Variants in MAN2A1 observed in about 807,000 individuals in gnomAD.
The protein encoded by MAN2A1 is alpha-mannosidase 2.
MAN2A1 carries 76 observed loss-of-function variants against 142.6 expected under a neutral mutation model. That is an observed-to-expected ratio of 0.53 (90% CI 0.44 to 0.65). MAN2A1 has a LOEUF of 0.65. Ranked by LOEUF, MAN2A1 falls within the 30% of genes least tolerant of loss-of-function variation. MAN2A1 has a pLI of 0.00. For synonymous variants in MAN2A1, 559 were observed against 473.2 expected, an observed-to-expected ratio of 1.18 and a Z score of -2.35; for missense variants, 1,311 against 1,365.1, an observed-to-expected ratio of 0.96 and a Z score of 0.62.
rs1755917407 is a variant in MAN2A1, at chr5:109,867,526, A to AACCT, written c.*530_*531insCTAC. 6.6e-6 allele frequency: 1 copy of AACCT among 152,640 alleles called. No individual in the cohort carries two copies. The highest frequency in any genetic ancestry group is 2.1e-4 in the South Asian group (1 of 4,826). The allele number at this position is 152,640 out of a possible 1,614,324, so 9.5% of individuals were successfully genotyped here. ...GTGCAATCCATCCACCCTTATGATTAACGTAGATGATTTTTATACCTTTTT... is the reference window on the plus strand; with the variant it reads ...GTGCAATCCATCCACCCTTATGATTAACCTACGTAGATGATTTTTATACCTTTTT... On this transcript the variant is annotated 3_prime_UTR_variant, in exon 22 of 22. Transcript: ENST00000261483.
Position 109,774,775 on chromosome 5 carries a change from G to GT in MAN2A1, c.1197-5dup, listed in dbSNP as rs200066169. On this transcript the variant is annotated splice_polypyrimidine_tract_variant and intron_variant, in intron 7 of 21. Coordinates refer to ENST00000261483, the MANE Select transcript of MAN2A1 (RefSeq NM_002372.4). ...TCATATTTGCTGTTTTTTTGTGTTT[G>GT]TTTTTTTTGTAGGGCTCGGATGCTA... is the stretch of plus-strand genomic sequence containing the variant. 85 of 1,575,226 alleles carry GT rather than the reference G, an allele frequency of 5.4e-5. No homozygotes were observed. Among genetic ancestry groups the GT allele is most frequent in the Admixed American group, 1.7e-4 (9 of 52,154 alleles).
chr5:109,808,618 T>C (rs1323930307), intron 12 of MAN2A1, among the ~76,000 whole-genome samples: 1 of 152,076 alleles, frequency 6.6e-6, no homozygotes, highest in Non-Finnish European at 1.5e-5. Context: ...TTGAATAGTA[T>C]TGTTTAGATA....
rs558979409 is a variant in MAN2A1, at chr5:109,794,278, C to T, written c.1943+4751C>T. On this transcript the variant is annotated intron_variant, in intron 12 of 21. Transcript: ENST00000261483. ...GAGCTGTTAGTGTACAGAGGGAGCG[C>T]ACTTTGTGCTCAACTGTGGAGGAGA... 113 of 152,212 alleles carry T rather than the reference C, an allele frequency of 7.4e-4. 1 individual carries two copies. The highest frequency in any genetic ancestry group is 2.3e-3 in the African/African-American group (94 of 41,542). The allele number at this position is 152,212 out of a possible 1,614,324, so 9.4% of individuals were successfully genotyped here. A position where few individuals can be genotyped will look rare whatever the true frequency, so the allele number is the denominator to read the frequency against.
At chr5:109,810,564 TC>T (rs1344648649) in intron 12 of MAN2A1, among the ~76,000 whole-genome samples, 3 of 152,168 alleles carry the variant, frequency 2.0e-5, no homozygotes, top group African/African-American at 7.2e-5. Context: ...AATGAAAAAA[TC>T]AACTGTGTAC....
At chr5:109,746,572 GT>G (rs34492008) in intron 4 of MAN2A1, among the ~76,000 whole-genome samples, 5,011 of 126,042 alleles carry the variant, frequency 0.04, 64 homozygotes, top group Middle Eastern at 0.091. Context: ...CATTGTGCTG[GT>G]TTTTTTTTTT....
chr5:109,748,367 G>T (rs1752459347), intron 4 of MAN2A1, among the ~76,000 whole-genome samples: 1 of 146,670 alleles, frequency 6.8e-6, no homozygotes, highest in African/African-American at 2.5e-5. Context: ...TTATGAGCCA[G>T]TTATTTCTGA....
intron 4 of MAN2A1, among the ~76,000 whole-genome samples, chr5:109,747,587 T>C (rs2112615813): frequency 6.6e-6 from 1 of 152,176 alleles, no homozygotes; most frequent in African/African-American, 2.4e-5. Context: ...AACAAAGAGC[T>C]GGGGGGAGAG....
intron 8 of MAN2A1, among the ~76,000 whole-genome samples, chr5:109,777,908 A>G (rs12514321): frequency 0.61 from 93,068 of 151,868 alleles, 29,024 homozygotes; most frequent in East Asian, 0.93. Flanking sequence ...ATTCACTTTT[A>G]TTGGTCTGTT....
intron 12 of MAN2A1, among the ~76,000 whole-genome samples, chr5:109,808,641 A>C (rs1415318394): frequency 2.0e-5 from 3 of 151,586 alleles, no homozygotes; most frequent in Non-Finnish European, 4.4e-5. Context: ...TACATTGCTT[A>C]GCTGTGGAAA....
chr5:109,700,578 C>G (rs1216287318), intron 1 of MAN2A1, among the ~76,000 whole-genome samples: 2 of 152,102 alleles, frequency 1.3e-5, no homozygotes, highest in African/African-American at 4.8e-5. Context: ...ACATAAAGTC[C>G]TGAATTGGTG....
chr5:109,690,582 C>G, intron 1 of MAN2A1, 30 bp downstream of exon 1: 1 of 1,563,834 alleles, frequency 6.4e-7, no homozygotes, highest in South Asian at 1.2e-5. Flanking sequence ...GCGCGGGGCT[C>G]CGAGGGGCCA....
At chr5:109,690,681 G>C in intron 1 of MAN2A1, 129 bp downstream of exon 1, 1 of 1,049,382 alleles carries the variant, frequency 9.5e-7, no homozygotes, top group Non-Finnish European at 1.4e-6. Flanking sequence ...CAGGGGCTCT[G>C]TAGCTCTCGG....
At chr5:109,827,188 C>T (rs1754781012) in intron 16 of MAN2A1, among the ~76,000 whole-genome samples, 1 of 152,126 alleles carries the variant, frequency 6.6e-6, no homozygotes, top group African/African-American at 2.4e-5. Flanking sequence ...TTTATGATTA[C>T]ATACTGTAAT....
intron 16 of MAN2A1, 36 bp from the exon 17 acceptor site, chr5:109,842,292 C>A (rs749186404): frequency 1.2e-5 from 16 of 1,369,448 alleles, no homozygotes; most frequent in Non-Finnish European, 3.9e-6. Context: ...CAAGTAATTT[C>A]TTTCTATTAA....
intron 4 of MAN2A1, among the ~76,000 whole-genome samples, chr5:109,729,722 G>A (rs1036414925): frequency 2.0e-5 from 3 of 152,172 alleles, no homozygotes; most frequent in African/African-American, 7.2e-5. Context: ...ACTGGAAGCA[G>A]TGGCTTACTG....
At chr5:109,840,153 G>A (rs1561538360) in intron 16 of MAN2A1, 1 of 191,508 alleles carries the variant, frequency 5.2e-6, no homozygotes, top group Non-Finnish European at 1.1e-5. Flanking sequence ...TTCTCAAGGT[G>A]CTGAATTAAG....
chr5:109,701,153 T>C (rs928645934), intron 1 of MAN2A1, among the ~76,000 whole-genome samples: 1 of 152,196 alleles, frequency 6.6e-6, no homozygotes, highest in African/African-American at 2.4e-5. Flanking sequence ...GTCAATGATA[T>C]TATTTTACAT....
chr5:109,835,572 C>T (rs981316865), intron 16 of MAN2A1, among the ~76,000 whole-genome samples: 7 of 152,082 alleles, frequency 4.6e-5, no homozygotes, highest in Admixed American at 3.9e-4. Context: ...CCTAGGTGAC[C>T]GTGGGCCATT....
At chr5:109,699,434 A>AC (rs1750909878) in intron 1 of MAN2A1, 1 of 152,224 alleles carries the variant, frequency 6.6e-6, no homozygotes, top group Non-Finnish European at 1.5e-5. Context: ...ATAATAAAGC[A>AC]TGTAGTTTTG....
Sources: allele counts gnomAD v4.1 joint callset (sites outside exome capture counted in the v4.1 genomes callset), GRCh38; gene constraint gnomAD v4.1.1; transcripts MANE v1.5; gene names NCBI Gene and HGNC (gene_info 2026-07-23, HGNC 2026-07-21).